ST7L: variants seen among roughly 807,000 people sequenced by gnomAD.
ST7L encodes suppression of tumorigenicity 7 like, also known as suppressor of tumorigenicity 7 protein-like.
In ST7L, 57 loss-of-function variants were observed where a neutral mutation model predicts 72.5. The observed-to-expected ratio is 0.79, with a 90% CI of 0.64 to 0.98. The LOEUF is 0.98. Ranked by LOEUF, ST7L falls within the 50% of genes least tolerant of loss-of-function variation. The pLI, the probability that ST7L is intolerant of heterozygous loss-of-function variation, is 0.00. For missense variants in ST7L, 576 were observed against 672.2 expected (o/e 0.86, Z 1.58); for synonymous variants, 221 against 240.9 (o/e 0.92, Z 0.77).
rs887380607 is a variant in ST7L, at chr1:112,618,635, G to T, written c.205+274C>A. ...GAGACACTCTTCTGTCCTAATACCT[G>T]AAGCTTATAGCTTGTCAGGTGGCTT... is the stretch of plus-strand genomic sequence containing the variant. On this transcript the variant is annotated intron_variant, in intron 1 of 14. Transcript: ENST00000358039. The T allele has an allele frequency of 7.0e-6, 4 of 575,310 alleles. No individual in the cohort carries two copies. In the Admixed American group the frequency reaches 1.4e-4, roughly 20 times the overall value. The allele number at this position is 575,310 out of a possible 1,614,324, so 35.6% of individuals were successfully genotyped here.
chr1:112,540,331 CT>C lies in ST7L; in HGVS notation c.1629+1619del, dbSNP rs768288252. The C allele has an allele frequency of 1.5e-5, 15 of 985,298 alleles. No individual in the cohort carries two copies. The East Asian group carries it at 9.1e-4, about 59-fold the overall frequency. The allele number at this position is 985,298 out of a possible 1,614,324, so 61.0% of individuals were successfully genotyped here. A position where few individuals can be genotyped will look rare whatever the true frequency, so the allele number is the denominator to read the frequency against. ...CCAGCTATTAAATGGATGGAATTCT[CT>C]TTCTAGGCCATTTTTATTCGATGCC... On this transcript the variant is annotated intron_variant, in intron 14 of 14. Transcript: ENST00000358039.
chr1:112,569,719 G>C lies in ST7L; in HGVS notation c.1245+7267C>G, dbSNP rs569056674. ...TACGCCTGTAATCCCATGACTATGG[G>C]AGGCCGAGGCGGGTGGATCACGAGG... On this transcript the variant is annotated intron_variant, in intron 11 of 14. Coordinates refer to ENST00000358039, the MANE Select transcript of ST7L (RefSeq NM_017744.5). 3.3e-3 allele frequency among the ~76,000 whole-genome samples: 510 copies of C among 152,344 alleles called. 1 individual carries two copies. Among genetic ancestry groups the C allele is most frequent in the Non-Finnish European group, 6.0e-3 (405 of 68,032 alleles).
intron 11 of ST7L, among the ~76,000 whole-genome samples, chr1:112,576,676 T>A (rs1663151808): frequency 6.6e-6 from 1 of 152,228 alleles, no homozygotes; most frequent in African/African-American, 2.4e-5. Context: ...ATAAGAAATA[T>A]GAATAATCTT....
intron 11 of ST7L, among the ~76,000 whole-genome samples, chr1:112,566,660 A>G (rs756514332): frequency 2.0e-5 from 3 of 152,006 alleles, no homozygotes; most frequent in Non-Finnish European, 4.4e-5. Flanking sequence ...GTTTCACCTG[A>G]CCACCTGAGG....
chr1:112,599,124 G>GTA (rs1468044181), intron 4 of ST7L, among the ~76,000 whole-genome samples: 22 of 55,516 alleles, frequency 4.0e-4, no homozygotes, highest in African/African-American at 2.1e-3. Flanking sequence ...GGATGTGTGT[G>GTA]TATACACACA....
chr1:112,584,120 G>T lies in ST7L; in HGVS notation c.708C>A (p.Ala236=). 1 of 1,612,090 alleles carries T rather than the reference G, an allele frequency of 6.2e-7. No homozygotes were observed. Among genetic ancestry groups the T allele is most frequent in the Non-Finnish European group, 8.5e-7 (1 of 1,179,466 alleles). The change falls in exon 7 of 15, where the codon GCC becomes GCA. Residue 236 remains alanine (A), a synonymous_variant. Transcript: ENST00000358039. ...YQALELNNDC[A]TAYVLLAEEE... is the part of the protein sequence containing the mutation. ...CCTCAGCCAGTAGAACATATGCAGTGGCACAGCTATGAAGAAAGCAAGAAG... is the reference window on the plus strand; with the variant it reads ...CCTCAGCCAGTAGAACATATGCAGTTGCACAGCTATGAAGAAAGCAAGAAG...
At chr1:112,586,583 G>A (rs998925968) in intron 6 of ST7L, among the ~76,000 whole-genome samples, 6 of 152,072 alleles carry the variant, frequency 3.9e-5, no homozygotes, top group African/African-American at 1.4e-4. Flanking sequence ...ATAATTATAT[G>A]CTTATATTTT....
chr1:112,567,561 T>G (rs1417736128), intron 11 of ST7L, among the ~76,000 whole-genome samples: 4 of 152,174 alleles, frequency 2.6e-5, no homozygotes, highest in African/African-American at 9.7e-5. Flanking sequence ...GATGTTTTGG[T>G]CTAGATGTTG....
chr1:112,526,707 T>G (rs1653473271), intron 14 of ST7L: 1 of 148,014 alleles, frequency 6.8e-6, no homozygotes, highest in South Asian at 2.1e-4. Context: ...ACCACTGCAC[T>G]CCAGCCTGGG....
chr1:112,556,966 C>CAAAAAAAAAAAAAAAAAAAAAAAAAAA (rs60106072), intron 11 of ST7L, among the ~76,000 whole-genome samples: 11 of 49,522 alleles, frequency 2.2e-4, no homozygotes, highest in Non-Finnish European at 3.3e-4. Flanking sequence ...GACTCTGTCT[C>CAAAAAAAAAAAAAAAAAAAAAAAAAAA]AAAAAAAAAA....
chr1:112,547,288 GT>G (rs1305130257), intron 13 of ST7L, among the ~76,000 whole-genome samples: 3 of 151,648 alleles, frequency 2.0e-5, no homozygotes, highest in African/African-American at 7.3e-5. Context: ...CACCTCCTGG[GT>G]TCAAGCAATT....
chr1:112,594,447 A>G lies in ST7L; in HGVS notation c.623-2844T>C, dbSNP rs1440892163. Reference sequence around the variant, plus strand: ...TGTATTCAAGTATATTACAGAATGAAGAAGGGAATGATAACAATTTTTAAC... The same window carrying G: ...TGTATTCAAGTATATTACAGAATGAGGAAGGGAATGATAACAATTTTTAAC... On this transcript the variant is annotated intron_variant, in intron 5 of 14. Coordinates refer to ENST00000358039, the MANE Select transcript of ST7L (RefSeq NM_017744.5). Among the ~76,000 whole-genome samples the G allele has an allele frequency of 3.9e-5, 6 of 152,352 alleles. No individual in the cohort carries two copies. The East Asian group carries it at 9.6e-4, about 24-fold the overall frequency.
rs116795566 is a variant in ST7L, at chr1:112,557,604, A to G, written c.1246-1586T>C. ...ATGTTTTTGTTTCTCTTGAGTAAGTACCATGGAGTAGAACTGCTGAGTCAT... is the reference window on the plus strand; with the variant it reads ...ATGTTTTTGTTTCTCTTGAGTAAGTGCCATGGAGTAGAACTGCTGAGTCAT... On this transcript the variant is annotated intron_variant, in intron 11 of 14. Transcript: ENST00000358039. Among the ~76,000 whole-genome samples, 138 of 152,336 alleles carry G rather than the reference A, an allele frequency of 9.1e-4. 1 individual carries two copies. Among genetic ancestry groups the G allele is most frequent in the African/African-American group, 3.2e-3 (134 of 41,584 alleles).
downstream of ST7L, among the ~76,000 whole-genome samples, chr1:112,519,105 G>C (rs1176834834): frequency 6.6e-6 from 1 of 152,136 alleles, no homozygotes; most frequent in East Asian, 1.9e-4. Context: ...CCCAGCCCTT[G>C]GAGTTAGGAG....
At chr1:112,579,991 G>A (rs1300616516) in intron 9 of ST7L, among the ~76,000 whole-genome samples, 2 of 152,156 alleles carry the variant, frequency 1.3e-5, no homozygotes, top group Non-Finnish European at 2.9e-5. Flanking sequence ...TTCTCCATGA[G>A]CCTACACTAT....
chr1:112,574,776 G>A (rs2101808067), intron 11 of ST7L, among the ~76,000 whole-genome samples: 1 of 152,296 alleles, frequency 6.6e-6, no homozygotes, highest in East Asian at 1.9e-4. Context: ...TTACCTTTAG[G>A]TAGGAAGGGA....
At chr1:112,619,181 T>TG, upstream of ST7L, 1 of 1,485,870 alleles carries the variant, frequency 6.7e-7, no homozygotes, top group South Asian at 1.2e-5. Context: ...TCGGGAATCC[T>TG]GGGATAGTGG....
intron 14 of ST7L, chr1:112,540,842 C>T: frequency 7.8e-7 from 1 of 1,289,070 alleles, no homozygotes; most frequent in Non-Finnish European, 1.0e-6. Context: ...AATTAATCAG[C>T]ATTTTCTTTT....
chr1:112,599,895 G>T (rs534868025), intron 4 of ST7L, among the ~76,000 whole-genome samples: 2 of 152,228 alleles, frequency 1.3e-5, no homozygotes, highest in South Asian at 4.2e-4. Flanking sequence ...TTGATGTAAT[G>T]TTTCTTATGA....
Sources: allele counts gnomAD v4.1 joint callset (sites outside exome capture counted in the v4.1 genomes callset), GRCh38; gene constraint gnomAD v4.1.1; transcripts MANE v1.5; gene names NCBI Gene and HGNC (gene_info 2026-07-23, HGNC 2026-07-21).